RERE: variants seen among roughly 807,000 people sequenced by gnomAD.
The protein encoded by RERE is arginine-glutamic acid dipeptide repeats protein.
Under a neutral mutation model 146.1 loss-of-function variants are expected in RERE, and 40 were observed. The ratio of observed to expected loss-of-function variants is 0.27; its 90% CI spans 0.21 to 0.36. RERE has a LOEUF of 0.36. RERE is among the 10% of genes least tolerant of loss of function. The pLI, the probability that RERE is intolerant of heterozygous loss-of-function variation, is 1.00. For missense variants in RERE, 1,933 were observed against 2,138.7 expected (o/e 0.90, Z 1.90); for synonymous variants, 1,003 against 866.0 (o/e 1.16, Z -2.78).
chr1:8,523,826 A>G (rs1645537165), intron 7 of RERE, among the ~76,000 whole-genome samples: 1 of 152,228 alleles, frequency 6.6e-6, no homozygotes, highest in Admixed American at 6.5e-5. Context: ...CAGGCCAGCC[A>G]CACCAGTGGC....
chr1:8,802,807 G>C (rs1378544707), intron 1 of RERE, among the ~76,000 whole-genome samples: 1 of 151,922 alleles, frequency 6.6e-6, no homozygotes, highest in Non-Finnish European at 1.5e-5. Context: ...AAAAGAAAGG[G>C]GCAAGAATCT....
chr1:8,507,672 G>A (rs555301112), intron 8 of RERE, among the ~76,000 whole-genome samples: 1 of 151,332 alleles, frequency 6.6e-6, no homozygotes, highest in Admixed American at 6.6e-5. Flanking sequence ...GCCTCCCAAA[G>A]TACTGGGATT....
chr1:8,775,778 C>T (rs1204306148), intron 1 of RERE, among the ~76,000 whole-genome samples: 1 of 152,200 alleles, frequency 6.6e-6, no homozygotes, highest in Non-Finnish European at 1.5e-5. Context: ...TTACCTCTTT[C>T]ATCACTTAAG....
intron 1 of RERE, among the ~76,000 whole-genome samples, chr1:8,660,551 G>C (rs1230887242): frequency 6.6e-6 from 1 of 152,152 alleles, no homozygotes; most frequent in African/African-American, 2.4e-5. Context: ...GCAGCCAATG[G>C]GCACGAAGTA....
intron 11 of RERE, among the ~76,000 whole-genome samples, chr1:8,439,584 G>A (rs552358254): frequency 4.1e-4 from 62 of 152,290 alleles, no homozygotes; most frequent in African/African-American, 1.3e-3. Context: ...ACACAATCTG[G>A]AGGCAATGAA....
At chr1:8,378,685 T>C (rs1301185263) in intron 12 of RERE, among the ~76,000 whole-genome samples, 3 of 152,118 alleles carry the variant, frequency 2.0e-5, no homozygotes, top group Admixed American at 2.0e-4. Flanking sequence ...ACTTCCAACT[T>C]CCAGAACTGT....
chr1:8,416,358 G>T (rs1181476339), intron 12 of RERE, among the ~76,000 whole-genome samples: 6 of 152,096 alleles, frequency 3.9e-5, no homozygotes, highest in Admixed American at 2.0e-4. Flanking sequence ...GGCCAAGGCG[G>T]GCGGATCACA....
intron 4 of RERE, among the ~76,000 whole-genome samples, chr1:8,604,611 AGGGAGGG>A (rs1646676514): frequency 1.1e-5 from 1 of 93,512 alleles, no homozygotes; most frequent in Admixed American, 1.0e-4. Context: ...GGAGGGAGGG[AGGGAGGG>A]AGGGAGGAAG....
intron 4 of RERE, among the ~76,000 whole-genome samples, chr1:8,565,802 G>C (rs559303741): frequency 2.0e-4 from 30 of 152,274 alleles, no homozygotes; most frequent in African/African-American, 7.2e-4. Context: ...CAAAACGCCA[G>C]GAAAGAGGTA....
chr1:8,674,626 C>T (rs1638793671), intron 1 of RERE, among the ~76,000 whole-genome samples: 1 of 152,192 alleles, frequency 6.6e-6, no homozygotes, highest in Admixed American at 6.5e-5. Context: ...AGTAGAGCAA[C>T]TGCTAGATTA....
rs182694871 is a variant in RERE, at chr1:8,434,022, T to C, written c.1204-11215A>G. Reference sequence around the variant, plus strand: ...GAATGAGAAGGAGCACTTGGGAAGGTAGATCTAATATAATCCTGCCTGGCT... The same window carrying C: ...GAATGAGAAGGAGCACTTGGGAAGGCAGATCTAATATAATCCTGCCTGGCT... On this transcript the variant is annotated intron_variant, in intron 11 of 22. Coordinates refer to ENST00000400908, the MANE Select transcript of RERE (RefSeq NM_001042681.2). Among the ~76,000 whole-genome samples the C allele has an allele frequency of 3.9e-5, 6 of 152,324 alleles. No homozygotes were observed. The East Asian group carries it at 9.6e-4, about 24-fold the overall frequency.
rs769053249 is a variant in RERE at position 8,358,302 on chromosome 1, G to A, written c.4233C>T (p.Ser1411=). ...ACATCTGCAGTCGGGCCAGGGGATC[G>A]CTGGTCAGCGATGCCATGCGCTCTG... ...IHAERMASLT[S]DPLARLQMFN... Residue 1411 remains serine (S), a synonymous_variant, in exon 20 of 23, where the codon AGC becomes AGT. Coordinates refer to ENST00000400908, the MANE Select transcript of RERE (RefSeq NM_001042681.2). 1.8e-5 allele frequency: 29 copies of A among 1,613,470 alleles called. No individual in the cohort carries two copies. Among genetic ancestry groups the A allele is most frequent in the Admixed American group, 1.7e-4 (10 of 59,992 alleles).
intron 7 of RERE, among the ~76,000 whole-genome samples, chr1:8,540,414 G>A (rs909095159): frequency 6.6e-6 from 1 of 152,140 alleles, no homozygotes; most frequent in African/African-American, 2.4e-5. Flanking sequence ...CACCTGGCCG[G>A]GGATGTTTTA....
At chr1:8,579,623 T>C (rs1646339299) in intron 4 of RERE, among the ~76,000 whole-genome samples, 1 of 152,250 alleles carries the variant, frequency 6.6e-6, no homozygotes, top group African/African-American at 2.4e-5. Context: ...AATCATTATC[T>C]GGTAACTATA....
chr1:8,360,541 T>G lies in RERE; in HGVS notation c.2966A>C (p.Gln989Pro). The G allele has an allele frequency of 1.3e-6, 1 of 773,152 alleles. No individual in the cohort carries two copies. The highest frequency in any genetic ancestry group is 1.6e-6 in the Non-Finnish European group (1 of 621,672). The allele number at this position is 773,152 out of a possible 1,614,324, so 47.9% of individuals were successfully genotyped here. Reference sequence around the variant, plus strand: ...CAATGGCTGGCTCTGAGGCATGAGTTGCAGGGGTGGGGGGTGAGCCGACGG... The same window carrying G: ...CAATGGCTGGCTCTGAGGCATGAGTGGCAGGGGTGGGGGGTGAGCCGACGG... ...HPPSAHPPPL[Q>P]LMPQSQPLPS... Residue 989 changes from glutamine to proline, a missense_variant, in exon 18 of 23, where the codon CAA (glutamine) becomes CCA (proline). Gln to Pro is a moderately conservative substitution (Grantham distance 76). Around this residue, in one of 11 missense-constraint regions of RERE, gnomAD observed 1,255 missense variants for 1,153.8 expected, o/e 1.09. Transcript: ENST00000400908.
chr1:8,682,617 A>G (rs11121217), intron 1 of RERE, among the ~76,000 whole-genome samples: 2,181 of 152,318 alleles, frequency 0.014, 47 homozygotes, highest in African/African-American at 0.048. Context: ...AAGCCTTCCA[A>G]TGTATAGGTG....
At chr1:8,518,898 G>A (rs999755010) in intron 7 of RERE, among the ~76,000 whole-genome samples, 5 of 151,984 alleles carry the variant, frequency 3.3e-5, no homozygotes, top group Non-Finnish European at 7.4e-5. Context: ...ACTTTCTGTG[G>A]GTTAGCCCTG....
At chr1:8,697,590 C>T (rs1639360048) in intron 1 of RERE, among the ~76,000 whole-genome samples, 2 of 152,100 alleles carry the variant, frequency 1.3e-5, no homozygotes, top group African/African-American at 4.8e-5. Flanking sequence ...TGTTTTTCAC[C>T]ATGTTAGCCA....
intron 8 of RERE, among the ~76,000 whole-genome samples, chr1:8,501,942 GA>G (rs1234715509): frequency 0.18 from 1,621 of 8,822 alleles, 1 homozygote; most frequent in Non-Finnish European, 0.23. Context: ...AGGTGGGGGG[GA>G]TCAGCCCCCC....
Sources: gnomAD v4.1 joint callset for allele counts (sites outside exome capture counted in the v4.1 genomes callset) on GRCh38, gnomAD v4.1.1 for gene constraint, gnomAD v4.1.1 regional missense constraint, MANE v1.5 for transcripts, NCBI Gene and HGNC (gene_info 2026-07-23, HGNC 2026-07-21) for gene names.